Variants in MAN2B2 observed in about 807,000 individuals in gnomAD.
MAN2B2 encodes mannosidase alpha class 2B member 2.
Under a neutral mutation model 117.1 loss-of-function variants are expected in MAN2B2, and 106 were observed. The observed-to-expected ratio is 0.90, with a 90% CI of 0.77 to 1.06. MAN2B2 has a LOEUF of 1.06. Among genes scored for constraint, MAN2B2 ranks in the 50% least tolerant of loss-of-function variants. The pLI, the probability that MAN2B2 is intolerant of heterozygous loss-of-function variation, is 0.00. For synonymous variants in MAN2B2, 544 were observed against 595.1 expected (o/e 0.91, Z 1.25); for missense variants, 1,326 against 1,381.4 (o/e 0.96, Z 0.64).
chr4:6,609,122 G>T lies in MAN2B2; in HGVS notation c.1830G>T (p.Thr610=). 2 of 1,613,912 alleles carry T rather than the reference G, an allele frequency of 1.2e-6. No homozygotes were observed. Among genetic ancestry groups the T allele is most frequent in the Non-Finnish European group, 1.7e-6 (2 of 1,179,892 alleles). Reference sequence around the variant, plus strand: ...GCCTCTGCAGACAGAGTAACCGAACGGTGCGCGTGACCCAGGAATTCCTGG... The same window carrying T: ...GCCTCTGCAGACAGAGTAACCGAACTGTGCGCGTGACCCAGGAATTCCTGG... ...HSIWERQSNR[T]VRVTQEFLEY... Residue 610 remains threonine (T), a synonymous_variant, in exon 12 of 19, where the codon ACG becomes ACT. Coordinates refer to ENST00000285599, the MANE Select transcript of MAN2B2 (RefSeq NM_015274.3).
rs900492298 is a variant in MAN2B2, at chr4:6,622,247, G to A, written c.*962G>A. ...GGCAAATCTGTGTATCAGAGACAAA[G>A]CACATTGGTGGTTGCCAGGTACTGG... On this transcript the variant is annotated 3_prime_UTR_variant, in exon 19 of 19. Transcript: ENST00000285599. 1.3e-5 allele frequency: 2 copies of A among 152,230 alleles called. No individual in the cohort carries two copies. The highest frequency in any genetic ancestry group is 4.8e-5 in the African/African-American group (2 of 41,456). The allele number at this position is 152,230 out of a possible 1,614,324, so 9.4% of individuals were successfully genotyped here. A position where few individuals can be genotyped will look rare whatever the true frequency, so the allele number is the denominator to read the frequency against.
At chr4:6,603,392 C>G (rs1727410756) in intron 10 of MAN2B2, among the ~76,000 whole-genome samples, 1 of 152,164 alleles carries the variant, frequency 6.6e-6, no homozygotes, top group Admixed American at 6.5e-5. Context: ...GGCCCCATCC[C>G]AGGACACAGA....
Position 6,589,036 on chromosome 4 carries a change from G to C in MAN2B2, c.565-9G>C. On this transcript the variant is annotated splice_polypyrimidine_tract_variant and intron_variant, in intron 4 of 18. Coordinates refer to ENST00000285599, the MANE Select transcript of MAN2B2 (RefSeq NM_015274.3). ...CCCCTCCAGCCTCATTCTTCTCCTC[G>C]GTTTGCAGGGGCTGCAGTTCGTGTG... 1 of 1,610,124 alleles carries C rather than the reference G, an allele frequency of 6.2e-7. No individual in the cohort carries two copies. The highest frequency in any genetic ancestry group is 8.5e-7 in the Non-Finnish European group (1 of 1,176,474).
intron 5 of MAN2B2, among the ~76,000 whole-genome samples, chr4:6,590,827 CT>C (rs1318321677): frequency 6.6e-6 from 1 of 152,186 alleles, no homozygotes; most frequent in Non-Finnish European, 1.5e-5. Context: ...CCTCCTCATC[CT>C]TGTCCCTATC....
chr4:6,597,731 C>G (rs1298772296), intron 8 of MAN2B2, among the ~76,000 whole-genome samples: 1 of 152,194 alleles, frequency 6.6e-6, no homozygotes, highest in Non-Finnish European at 1.5e-5. Context: ...GTGTGCACAG[C>G]CTGCTTGGTG....
At chr4:6,614,617 C>T (rs539683055) in intron 16 of MAN2B2, among the ~76,000 whole-genome samples, 25 of 152,288 alleles carry the variant, frequency 1.6e-4, no homozygotes, top group East Asian at 3.9e-4. Context: ...GCCTGCCACC[C>T]CCAGCTGAGA....
chr4:6,605,359 C>A, intron 11 of MAN2B2, 30 bp downstream of exon 11: 1 of 1,583,830 alleles, frequency 6.3e-7, no homozygotes, highest in South Asian at 1.1e-5. Flanking sequence ...GTCTCTGAGG[C>A]ACAGGCATGC....
In MAN2B2 at chr4:6,587,016, G is replaced by C; in HGVS notation, c.412G>C (p.Glu138Gln). ...TGCAGAAGGACACGGGTTTCTCTAT[G>C]AAACATTTGGGATCCGGCCACAGTT... Reference protein sequence around the residue: ...QLTEGHGFLYETFGIRPQFSW... With the variant: ...QLTEGHGFLYQTFGIRPQFSW... The change falls in exon 4 of 19, where the codon GAA (glutamate) becomes CAA (glutamine). Residue 138 changes from glutamate (E) to glutamine (Q), a missense_variant. By Grantham distance (29) the Glu-to-Gln change is conservative. Transcript: ENST00000285599. The C allele has an allele frequency of 1.2e-6, 2 of 1,613,922 alleles. No homozygotes were observed. Among genetic ancestry groups the C allele is most frequent in the Non-Finnish European group, 1.7e-6 (2 of 1,179,948 alleles).
chr4:6,605,830 A>G (rs752584973), intron 11 of MAN2B2, among the ~76,000 whole-genome samples: 1 of 151,506 alleles, frequency 6.6e-6, no homozygotes, highest in Non-Finnish European at 1.5e-5. Flanking sequence ...ACATCTACCT[A>G]CCCACCCATT....
chr4:6,580,514 C>A (rs1236953758), intron 3 of MAN2B2, among the ~76,000 whole-genome samples: 2 of 152,232 alleles, frequency 1.3e-5, no homozygotes, highest in Admixed American at 6.5e-5. Flanking sequence ...TGCCCCGTGC[C>A]AGCGAGGAGG....
Position 6,621,354 on chromosome 4 carries a change from A to C in MAN2B2, c.*69A>C, listed in dbSNP as rs1712164442. ...CCATGTAACAGAACAGACCCAGGAC[A>C]GGGAAAAGCAGTGCGGAGGGATGGG... On this transcript the variant is annotated 3_prime_UTR_variant, in exon 19 of 19. Transcript: ENST00000285599. 7.5e-7 allele frequency: 1 copy of C among 1,336,122 alleles called. No individual in the cohort carries two copies. The highest frequency in any genetic ancestry group is 1.9e-5 in the Admixed American group (1 of 53,114). The allele number at this position is 1,336,122 out of a possible 1,614,324, so 82.8% of individuals were successfully genotyped here. A position where few individuals can be genotyped will look rare whatever the true frequency, so the allele number is the denominator to read the frequency against.
At chr4:6,620,153 T>A in intron 18 of MAN2B2, 109 bp downstream of exon 18, 1 of 890,002 alleles carries the variant, frequency 1.1e-6, no homozygotes, top group Non-Finnish European at 1.7e-6. Context: ...CTGTGCGACC[T>A]TGCGAGGCTG....
intron 8 of MAN2B2, 99 bp from the exon 9 acceptor site, chr4:6,598,099 C>T (rs1329331657): frequency 1.0e-5 from 14 of 1,379,048 alleles, no homozygotes; most frequent in Non-Finnish European, 2.0e-6. Flanking sequence ...TGGCACCTGG[C>T]AAGCCAGAAT....
In MAN2B2 at chr4:6,598,484, TGA is replaced by T. The variant is rs1727199013; in HGVS notation, c.1405+134_1405+135del. 8.9e-6 allele frequency: 9 copies of T among 1,014,260 alleles called. No individual in the cohort carries two copies. In the South Asian group the frequency reaches 1.6e-4, roughly 18 times the overall value. 62.8% of individuals were successfully genotyped at this position (1,014,260 alleles called of 1,614,324 possible). ...TCACCCATATCGCCCTTCCCCATGGTGAGAGCTCGGACAGGTGGCTTCAGTCC... is the reference window on the plus strand; with the variant it reads ...TCACCCATATCGCCCTTCCCCATGGTGAGCTCGGACAGGTGGCTTCAGTCC... On this transcript the variant is annotated intron_variant, in intron 9 of 18. Coordinates refer to ENST00000285599, the MANE Select transcript of MAN2B2 (RefSeq NM_015274.3).
intron 10 of MAN2B2, among the ~76,000 whole-genome samples, chr4:6,603,004 T>C (rs1381027968): frequency 1.3e-5 from 2 of 151,772 alleles, no homozygotes; most frequent in South Asian, 2.1e-4. Context: ...CTGGGCCCCC[T>C]TGTATGGGCT....
chr4:6,581,610 G>C (rs987371807), intron 3 of MAN2B2, among the ~76,000 whole-genome samples: 2 of 151,830 alleles, frequency 1.3e-5, no homozygotes, highest in Non-Finnish European at 2.9e-5. Flanking sequence ...CACTGCTTCC[G>C]GGCCCTTTAT....
chr4:6,598,001 A>G (rs1241718457), intron 8 of MAN2B2, among the ~76,000 whole-genome samples, 197 bp from the exon 9 acceptor site: 1 of 152,222 alleles, frequency 6.6e-6, no homozygotes, highest in Non-Finnish European at 1.5e-5. Flanking sequence ...AGTTCCCACA[A>G]GGGCAGGAAA....
chr4:6,580,066 C>T (rs564978376), intron 3 of MAN2B2, among the ~76,000 whole-genome samples: 4 of 152,322 alleles, frequency 2.6e-5, no homozygotes, highest in South Asian at 2.1e-4. Context: ...AACATCCAGG[C>T]AGAGAGCAAT....
At chr4:6,601,998 A>T (rs1011931773) in intron 10 of MAN2B2, among the ~76,000 whole-genome samples, 1 of 152,218 alleles carries the variant, frequency 6.6e-6, no homozygotes, top group African/African-American at 2.4e-5. Context: ...GGCTTGGGGC[A>T]TCCAATGTGG....
Sources: gnomAD v4.1 joint callset for allele counts (sites outside exome capture counted in the v4.1 genomes callset) on GRCh38, gnomAD v4.1.1 for gene constraint, MANE v1.5 for transcripts, NCBI Gene and HGNC (gene_info 2026-07-23, HGNC 2026-07-21) for gene names.